The following EYA2 variants were observed in gnomAD, a reference collection of about 807,000 sequenced individuals.
EYA2 encodes protein phosphatase EYA2.
Under a neutral mutation model 69.2 loss-of-function variants are expected in EYA2, and 31 were observed. The ratio of observed to expected loss-of-function variants is 0.45; its 90% CI spans 0.34 to 0.60. The LOEUF (loss-of-function observed/expected upper bound fraction) is 0.60, where lower values mean the gene tolerates loss of function less well. Ranked by LOEUF, EYA2 falls within the 20% of genes least tolerant of loss-of-function variation. EYA2 has a pLI of 0.02. For synonymous variants in EYA2, 257 were observed against 279.4 expected (o/e 0.92, Z 0.80); for missense variants, 622 against 701.2 (o/e 0.89, Z 1.28).
At chr20:46,939,584 G>A (rs1464362352) in intron 1 of EYA2, among the ~76,000 whole-genome samples, 1 of 152,052 alleles carries the variant, frequency 6.6e-6, no homozygotes, top group Non-Finnish European at 1.5e-5. Flanking sequence ...CAACAGAAAG[G>A]GTCCTGACTA....
chr20:46,975,118 T>C (rs1239308029), intron 1 of EYA2, among the ~76,000 whole-genome samples: 1 of 152,124 alleles, frequency 6.6e-6, no homozygotes, highest in Non-Finnish European at 1.5e-5. Flanking sequence ...TGGGTGTGCC[T>C]ATGAAGGAGC....
At chr20:46,929,261 T>A (rs574441987) in intron 1 of EYA2, among the ~76,000 whole-genome samples, 1 of 152,104 alleles carries the variant, frequency 6.6e-6, no homozygotes, top group African/African-American at 2.4e-5. Context: ...TTTAAACTGC[T>A]ATAGTCCTGT....
chr20:46,939,126 C>A (rs920343506), intron 1 of EYA2, among the ~76,000 whole-genome samples: 5 of 152,214 alleles, frequency 3.3e-5, no homozygotes, highest in African/African-American at 9.6e-5. Context: ...CATGGGTAGG[C>A]TTATGGCTCA....
chr20:47,021,391 C>T (rs1983736047), intron 5 of EYA2, among the ~76,000 whole-genome samples: 1 of 152,116 alleles, frequency 6.6e-6, no homozygotes, highest in Non-Finnish European at 1.5e-5. Flanking sequence ...CTTTGGGAGG[C>T]TGAGGCGGGC....
intron 7 of EYA2, among the ~76,000 whole-genome samples, chr20:47,078,846 C>CT: frequency 6.6e-6 from 1 of 152,302 alleles, no homozygotes; most frequent in South Asian, 2.1e-4. Flanking sequence ...TGGGAAGGCT[C>CT]TTCCGTGTAA....
At chr20:47,187,290 G>T (rs2034663357) in intron 15 of EYA2, among the ~76,000 whole-genome samples, 1 of 151,832 alleles carries the variant, frequency 6.6e-6, no homozygotes, top group Non-Finnish European at 1.5e-5. Flanking sequence ...GATCGCTTGA[G>T]CCTGGGAGGT....
chr20:47,165,213 C>T (rs1366242738), intron 10 of EYA2, among the ~76,000 whole-genome samples: 1 of 152,188 alleles, frequency 6.6e-6, no homozygotes, highest in East Asian at 1.9e-4. Flanking sequence ...TGGAGGGTAT[C>T]ATCGTGCTTG....
At chr20:47,154,061 G>A (rs566505670) in intron 10 of EYA2, among the ~76,000 whole-genome samples, 74 of 152,122 alleles carry the variant, frequency 4.9e-4, no homozygotes, top group South Asian at 1.3e-3. Flanking sequence ...GGAGCGGGTG[G>A]CTTACACGAC....
chr20:47,167,146 A>T lies in EYA2; in HGVS notation c.979-1993A>T, dbSNP rs369743967. The T allele has an allele frequency of 2.3e-4, 35 of 154,638 alleles. No homozygotes were observed. The East Asian group carries it at 6.0e-3, about 26-fold the overall frequency. 9.6% of individuals were successfully genotyped at this position (154,638 alleles called of 1,614,324 possible). A position where few individuals can be genotyped will look rare whatever the true frequency, so the allele number is the denominator to read the frequency against. On this transcript the variant is annotated intron_variant, in intron 10 of 15. Coordinates refer to ENST00000327619, the MANE Select transcript of EYA2 (RefSeq NM_005244.5). ...GCCAGAAACCCAGCTCCACTCACTT[A>T]ATCTGAAAAGTGGGTGTATTTGTTC...
chr20:46,983,242 G>A (rs1275415421), intron 1 of EYA2, among the ~76,000 whole-genome samples: 1 of 152,044 alleles, frequency 6.6e-6, no homozygotes, highest in African/African-American at 2.4e-5. Flanking sequence ...TGATCATTTG[G>A]TTTTGTCTTT....
intron 7 of EYA2, among the ~76,000 whole-genome samples, chr20:47,078,324 C>CAT (rs2031591168): frequency 1.3e-5 from 1 of 75,980 alleles, no homozygotes; most frequent in African/African-American, 4.3e-5. Context: ...CACGTGCGCG[C>CAT]GCGCGCGCAC....
intron 7 of EYA2, among the ~76,000 whole-genome samples, chr20:47,085,516 C>T (rs2146497898): frequency 6.6e-6 from 1 of 151,916 alleles, no homozygotes; most frequent in East Asian, 1.9e-4. Context: ...CGTGGTGGTG[C>T]ATGCCTGTAA....
chr20:47,061,467 G>A (rs907163510), intron 5 of EYA2, among the ~76,000 whole-genome samples: 1 of 152,064 alleles, frequency 6.6e-6, no homozygotes, highest in Admixed American at 6.6e-5. Context: ...GGAAGTCAAG[G>A]CTGCATTGAA....
At chr20:47,174,266 C>G (rs1317069590) in intron 12 of EYA2, among the ~76,000 whole-genome samples, 3 of 152,222 alleles carry the variant, frequency 2.0e-5, no homozygotes, top group Admixed American at 6.5e-5. Context: ...CTGGACAGAA[C>G]ACACTTCCAG....
At chr20:47,025,044 A>G (rs557826453) in intron 5 of EYA2, among the ~76,000 whole-genome samples, 2 of 152,230 alleles carry the variant, frequency 1.3e-5, no homozygotes, top group African/African-American at 2.4e-5. Flanking sequence ...TAATTTTGCA[A>G]TTCCTGCCAA....
chr20:47,098,481 C>T (rs540527198), intron 9 of EYA2, among the ~76,000 whole-genome samples: 1 of 152,238 alleles, frequency 6.6e-6, no homozygotes, highest in Non-Finnish European at 1.5e-5. Context: ...TAGCTCCGTG[C>T]AACAACTCAC....
At chr20:46,952,225 C>T (rs547144534) in intron 1 of EYA2, among the ~76,000 whole-genome samples, 25 of 151,902 alleles carry the variant, frequency 1.6e-4, no homozygotes, top group Non-Finnish European at 2.8e-4. Context: ...CAGGGAGAGC[C>T]GTGGGCATGT....
chr20:47,134,964 A>G (rs756763861), intron 9 of EYA2, among the ~76,000 whole-genome samples: 8 of 151,952 alleles, frequency 5.3e-5, no homozygotes, highest in Non-Finnish European at 1.0e-4. Flanking sequence ...CGTCTCTACT[A>G]AAAATACAAA....
chr20:47,063,786 C>G (rs750272944), intron 5 of EYA2, among the ~76,000 whole-genome samples: 1 of 152,186 alleles, frequency 6.6e-6, no homozygotes, highest in Non-Finnish European at 1.5e-5. Context: ...ATTTAAACCC[C>G]GGAAAACTCT....
Sources: allele counts gnomAD v4.1 joint callset (sites outside exome capture counted in the v4.1 genomes callset), GRCh38; gene constraint gnomAD v4.1.1; transcripts MANE v1.5; gene names NCBI Gene and HGNC (gene_info 2026-07-23, HGNC 2026-07-21).